NHSL1: variants seen among roughly 807,000 people sequenced by gnomAD.
NHSL1 encodes the protein NHS-like protein 1.
A neutral mutation model predicts 95.0 loss-of-function variants in NHSL1; 48 were observed. The observed-to-expected ratio is 0.51, with a 90% CI of 0.40 to 0.64. The LOEUF (loss-of-function observed/expected upper bound fraction) is 0.64. Among genes scored for constraint, NHSL1 ranks in the 30% least tolerant of loss-of-function variants. NHSL1 has a pLI of 0.00. For synonymous variants in NHSL1, 783 were observed against 833.9 expected, an observed-to-expected ratio of 0.94 and a Z score of 1.05; for missense variants, 1,971 against 2,077.7, an observed-to-expected ratio of 0.95 and a Z score of 1.00.
At chr6:138,558,040 T>C (rs4549629) in intron 1 of NHSL1, among the ~76,000 whole-genome samples, 9,355 of 152,292 alleles carry the variant, frequency 0.061, 955 homozygotes, top group African/African-American at 0.21. Flanking sequence ...AAAGGCATAC[T>C]TCTCTAGTAT....
At chr6:138,591,787 C>T (rs539797367) in intron 1 of NHSL1, among the ~76,000 whole-genome samples, 144 of 152,268 alleles carry the variant, frequency 9.5e-4, no homozygotes, top group Middle Eastern at 3.4e-3. Flanking sequence ...AATCTCCCAC[C>T]GTCCTGCTCT....
At chr6:138,587,920 T>C (rs1784162265) in intron 1 of NHSL1, among the ~76,000 whole-genome samples, 1 of 152,232 alleles carries the variant, frequency 6.6e-6, no homozygotes, top group Non-Finnish European at 1.5e-5. Context: ...TTACAGAACC[T>C]TGGGGCCCAA....
At chr6:138,625,256 C>G (rs904010317) in intron 1 of NHSL1, among the ~76,000 whole-genome samples, 1 of 152,204 alleles carries the variant, frequency 6.6e-6, no homozygotes, top group African/African-American at 2.4e-5. Context: ...GGTTCTCGTG[C>G]CTCAGCCTCC....
At position 138,609,482 on chromosome 6, in the gene NHSL1, G is replaced by A. The variant is rs532153022; in HGVS notation, c.96+82994C>T. Among the ~76,000 whole-genome samples the A allele has an allele frequency of 1.8e-3, 276 of 152,104 alleles. 1 individual carries two copies. Among genetic ancestry groups the A allele is most frequent in the African/African-American group, 6.6e-3 (272 of 41,484 alleles). Reference sequence around the variant, plus strand: ...ATAGTGCTATCCGGCCGGGCGCGGTGGCTCATGCCTGTAATCCCAGCACTT... The same window carrying A: ...ATAGTGCTATCCGGCCGGGCGCGGTAGCTCATGCCTGTAATCCCAGCACTT... On this transcript the variant is annotated intron_variant, in intron 1 of 3. Transcript: ENST00000491526.
At position 138,692,146 on chromosome 6, in the gene NHSL1, T is replaced by TC. The variant is rs72082963; in HGVS notation, c.96+329dup. 0.17 allele frequency: 75,950 copies of TC among 456,362 alleles called. 8,860 individuals are homozygous for TC. Among genetic ancestry groups the TC allele is most frequent in the African/African-American group, 0.43 (21,612 of 50,018 alleles). The allele number at this position is 456,362 out of a possible 1,614,324, so 28.3% of individuals were successfully genotyped here. ...GTGACAGTTTTCCCACGAACTTGGC[T>TC]CTCCTCTGTCTACAGCGCCCCGGGG... On this transcript the variant is annotated intron_variant, in intron 1 of 3. Transcript: ENST00000491526. This position sits in a 1 kb window ranked among gnomAD's most constrained non-coding sequence, Gnocchi z 4.0.
chr6:138,549,835 T>C (rs916456001), upstream of NHSL1, among the ~76,000 whole-genome samples: 6 of 152,184 alleles, frequency 3.9e-5, no homozygotes, highest in Admixed American at 3.3e-4. Flanking sequence ...CTCTATTAAA[T>C]TGCTGAAATT....
chr6:138,451,568 C>T (rs143461557), intron 3 of NHSL1, among the ~76,000 whole-genome samples: 22 of 152,278 alleles, frequency 1.4e-4, no homozygotes, highest in African/African-American at 5.1e-4. Flanking sequence ...AGAAGGGCCA[C>T]GATTTAGTAA....
intron 1 of NHSL1, among the ~76,000 whole-genome samples, chr6:138,673,264 G>GA (rs1341719497): frequency 2.0e-5 from 3 of 150,080 alleles, no homozygotes; most frequent in Non-Finnish European, 4.4e-5. Context: ...AAAGTCTGAG[G>GA]AATTTGCAAA....
chr6:138,614,101 A>G (rs1056699676), intron 1 of NHSL1, among the ~76,000 whole-genome samples: 2 of 152,256 alleles, frequency 1.3e-5, no homozygotes, highest in South Asian at 2.1e-4. Flanking sequence ...GTTAAAAACT[A>G]TACTTCCTTT....
intron 4 of NHSL1, among the ~76,000 whole-genome samples, chr6:138,444,075 G>A (rs142341185): frequency 6.6e-6 from 1 of 152,128 alleles, no homozygotes; most frequent in East Asian, 1.9e-4. Flanking sequence ...CATCCCCTAT[G>A]GCACTCAGCT....
rs76776064 is a variant in NHSL1 at position 138,433,578 on chromosome 6, C to T, written c.767G>A (p.Arg256His). The T allele has an allele frequency of 2.0e-3, 3,109 of 1,552,016 alleles. 69 individuals are homozygous for T. In the East Asian group the frequency reaches 0.054, roughly 27 times the overall value. The change falls in exon 6 of 8, where the codon CGC becomes CAC. Residue 256 changes from arginine (R) to histidine (H), a missense_variant. This residue lies in a region of NHSL1 where 1,602 missense variants were observed against 1,654.5 expected (regional missense o/e 0.97). Coordinates refer to ENST00000343505, the MANE Select transcript of NHSL1 (RefSeq NM_001144060.2). ...RFNSCRSAGQ[R>H]SETRDSSCQT... ...ACAGCTGGAGTCCCTGGTTTCTGAG[C>T]GCTGCCCAGCAGACCGACAGCTATT...
chr6:138,626,963 A>C (rs942728647), intron 1 of NHSL1, among the ~76,000 whole-genome samples: 6 of 151,990 alleles, frequency 3.9e-5, no homozygotes, highest in African/African-American at 1.4e-4. Flanking sequence ...GACTAAACAA[A>C]AACATTACTG....
At chr6:138,516,757 C>A (rs1392788840) in intron 1 of NHSL1, among the ~76,000 whole-genome samples, 2 of 152,120 alleles carry the variant, frequency 1.3e-5, no homozygotes, top group African/African-American at 4.8e-5. Context: ...ACCTCAACCT[C>A]CCAAGTAGTT....
chr6:138,545,077 A>G (rs1049416348), intron 1 of NHSL1, among the ~76,000 whole-genome samples: 9 of 140,384 alleles, frequency 6.4e-5, no homozygotes, highest in African/African-American at 2.1e-4. Flanking sequence ...TGCAACATCC[A>G]ACTCCTGGGT....
At chr6:138,493,074 A>G (rs1780166000) in intron 2 of NHSL1, among the ~76,000 whole-genome samples, 1 of 152,188 alleles carries the variant, frequency 6.6e-6, no homozygotes, top group Non-Finnish European at 1.5e-5. Flanking sequence ...GAGATGATAT[A>G]GGGGAAGAGG....
chr6:138,604,378 G>A (rs1024581699), intron 1 of NHSL1, among the ~76,000 whole-genome samples: 5 of 152,016 alleles, frequency 3.3e-5, no homozygotes, highest in African/African-American at 1.2e-4. Context: ...AAAATCTAAC[G>A]AACACTAAGG....
intron 1 of NHSL1, among the ~76,000 whole-genome samples, chr6:138,555,447 AG>A (rs1284332204): frequency 6.6e-6 from 1 of 152,238 alleles, no homozygotes; most frequent in Non-Finnish European, 1.5e-5. Flanking sequence ...CTTTCGAGGC[AG>A]GTGTGCTTCT....
intron 3 of NHSL1, among the ~76,000 whole-genome samples, chr6:138,448,784 G>A (rs1342969148): frequency 3.3e-5 from 5 of 152,162 alleles, no homozygotes; most frequent in Non-Finnish European, 7.4e-5. Flanking sequence ...CAGGCACGAT[G>A]GCTCACGCCT....
chr6:138,505,754 AAT>A (rs1390782899), intron 1 of NHSL1, among the ~76,000 whole-genome samples: 4 of 152,166 alleles, frequency 2.6e-5, no homozygotes, highest in Admixed American at 1.3e-4. Flanking sequence ...AGTCAGACAT[AAT>A]AGAGTTCTGC....
Sources: gnomAD v4.1 joint callset for allele counts (sites outside exome capture counted in the v4.1 genomes callset) on GRCh38, gnomAD v4.1.1 for gene constraint, gnomAD v4.1.1 regional missense constraint, Gnocchi (gnomAD v3.1) non-coding constraint, MANE v1.5 for transcripts, NCBI Gene and HGNC (gene_info 2026-07-23, HGNC 2026-07-21) for gene names.